NPLOC4: variants seen among roughly 807,000 people sequenced by gnomAD.
NPLOC4 encodes nuclear protein localization protein 4 homolog.
NPLOC4 carries 18 observed loss-of-function variants against 80.6 expected under a neutral mutation model. The observed-to-expected ratio is 0.22, with a 90% CI of 0.15 to 0.33. The LOEUF is 0.33. Ranked by LOEUF, NPLOC4 falls within the 10% of genes least tolerant of loss-of-function variation. The probability of loss-of-function intolerance (pLI) is 1.00; values close to 1 mark genes in which losing one functional copy is unlikely to be tolerated. For synonymous variants in NPLOC4, 313 were observed against 301.5 expected (o/e 1.04, Z -0.39); for missense variants, 540 against 786.1 (o/e 0.69, Z 3.74).
Position 81,589,066 on chromosome 17 carries a change from C to G in NPLOC4, c.1159G>C (p.Val387Leu). ...DNQVHFEGYQVSNQCMALVRD... is the reference protein window; with the variant it reads ...DNQVHFEGYQLSNQCMALVRD... Reference sequence around the variant, plus strand: ...ACCAGTGCCATACACTGATTGGACACCTGGTACCCTTCAAAGTGGACTTGG... The same window carrying G: ...ACCAGTGCCATACACTGATTGGACAGCTGGTACCCTTCAAAGTGGACTTGG... Residue 387 changes from valine to leucine, a missense_variant, in exon 12 of 17, where the codon GTG (valine) becomes CTG (leucine). Transcript: ENST00000331134. 1 of 1,613,688 alleles carries G rather than the reference C, an allele frequency of 6.2e-7. No individual in the cohort carries two copies. Among genetic ancestry groups the G allele is most frequent in the Non-Finnish European group, 8.5e-7 (1 of 1,179,770 alleles).
chr17:81,576,723 A>G (rs897577312), intron 12 of NPLOC4, among the ~76,000 whole-genome samples: 3 of 152,244 alleles, frequency 2.0e-5, no homozygotes, highest in African/African-American at 4.8e-5. Context: ...ATGATGAATC[A>G]CTTTACAAAT....
rs2034342579 is a variant in NPLOC4, at chr17:81,577,872, T to C, written c.1282-5784A>G. Among the ~76,000 whole-genome samples, 1 of 152,192 alleles carries C rather than the reference T, an allele frequency of 6.6e-6. No individual in the cohort carries two copies. Among genetic ancestry groups the C allele is most frequent in the African/African-American group, 2.4e-5 (1 of 41,444 alleles). Reference sequence around the variant, plus strand: ...TCCCCAAGGCCACAGGGAACTGACATGTGGCCTGGATTGCCAACACCACCA... The same window carrying C: ...TCCCCAAGGCCACAGGGAACTGACACGTGGCCTGGATTGCCAACACCACCA... On this transcript the variant is annotated intron_variant, in intron 12 of 16. Coordinates refer to ENST00000331134, the MANE Select transcript of NPLOC4 (RefSeq NM_017921.4). This position sits in a 1 kb window ranked among gnomAD's most constrained non-coding sequence, Gnocchi z 4.3.
chr17:81,618,177 T>C (rs1369874889), intron 3 of NPLOC4, among the ~76,000 whole-genome samples: 46 of 143,214 alleles, frequency 3.2e-4, no homozygotes, highest in African/African-American at 1.1e-3. Flanking sequence ...GTGAGGAGCG[T>C]CTCTGCCCGG....
intron 8 of NPLOC4, among the ~76,000 whole-genome samples, chr17:81,602,669 T>A (rs1024266200): frequency 1.3e-5 from 2 of 149,026 alleles, no homozygotes; most frequent in Non-Finnish European, 3.0e-5. Flanking sequence ...GCCACTGCAC[T>A]CCAGCCTGGG....
intron 15 of NPLOC4, among the ~76,000 whole-genome samples, chr17:81,565,827 C>T (rs770642872): frequency 3.9e-5 from 6 of 152,214 alleles, no homozygotes; most frequent in East Asian, 1.9e-4. Flanking sequence ...TAGGCCCAAG[C>T]GGGCATCTGT....
At chr17:81,620,805 C>A (rs2035643282) in intron 3 of NPLOC4, among the ~76,000 whole-genome samples, 1 of 152,120 alleles carries the variant, frequency 6.6e-6, no homozygotes, top group African/African-American at 2.4e-5. Context: ...CACAGTCATT[C>A]TCTTTACCTT....
At chr17:81,619,372 G>A (rs747849552) in intron 3 of NPLOC4, among the ~76,000 whole-genome samples, 5 of 150,592 alleles carry the variant, frequency 3.3e-5, no homozygotes, top group South Asian at 2.1e-4. Context: ...GTGAGACTCC[G>A]TCTCAAAAAA....
intron 1 of NPLOC4, among the ~76,000 whole-genome samples, chr17:81,631,450 T>A (rs868060305): frequency 0.31 from 32,778 of 105,464 alleles, 5,019 homozygotes; most frequent in African/African-American, 0.4. Flanking sequence ...TTTTTTTTTT[T>A]TTTTTTTTTT....
At chr17:81,622,083 G>A in intron 3 of NPLOC4, 83 bp downstream of exon 3, 2 of 902,560 alleles carry the variant, frequency 2.2e-6, no homozygotes, top group East Asian at 4.8e-5. Context: ...GATGAGGAAA[G>A]AGGATAAAAC....
At chr17:81,569,895 G>A (rs1048424450) in intron 13 of NPLOC4, among the ~76,000 whole-genome samples, 2 of 152,308 alleles carry the variant, frequency 1.3e-5, no homozygotes. Context: ...CTTCGTGACA[G>A]ACACCCCTCC....
At chr17:81,578,236 C>T (rs749960187) in intron 12 of NPLOC4, among the ~76,000 whole-genome samples, 5 of 152,208 alleles carry the variant, frequency 3.3e-5, no homozygotes, top group African/African-American at 7.2e-5. Flanking sequence ...CTGGCCCCGC[C>T]GGGTGCATGC....
intron 11 of NPLOC4, among the ~76,000 whole-genome samples, chr17:81,592,494 A>T (rs1001997933): frequency 2.0e-5 from 3 of 152,122 alleles, no homozygotes; most frequent in African/African-American, 7.2e-5. Flanking sequence ...AAATTAGGTT[A>T]TTTATTATCT....
intron 15 of NPLOC4, chr17:81,566,717 G>C (rs2144035053): frequency 6.6e-6 from 1 of 152,458 alleles, no homozygotes; most frequent in East Asian, 1.9e-4. Context: ...GTCTCCTTCA[G>C]GGAAAAGTTC....
At chr17:81,621,333 T>A (rs2144294187) in intron 3 of NPLOC4, among the ~76,000 whole-genome samples, 1 of 152,274 alleles carries the variant, frequency 6.6e-6, no homozygotes. Context: ...TCCCTAGACA[T>A]AGTAATTTGT....
At chr17:81,627,389 C>CA (rs532509354) in intron 2 of NPLOC4, among the ~76,000 whole-genome samples, 19,673 of 124,164 alleles carry the variant, frequency 0.16, 1,480 homozygotes, top group Middle Eastern at 0.29. Flanking sequence ...GACTCCGTCT[C>CA]AAAAAAAAAA....
chr17:81,623,496 T>C (rs1333806001), intron 2 of NPLOC4, among the ~76,000 whole-genome samples: 2 of 127,068 alleles, frequency 1.6e-5, no homozygotes, highest in African/African-American at 5.9e-5. Context: ...CAAAACTCTG[T>C]CTCAAAAAAA....
intron 7 of NPLOC4, among the ~76,000 whole-genome samples, chr17:81,605,150 G>A (rs567915622): frequency 1.7e-4 from 26 of 150,686 alleles, no homozygotes; most frequent in Admixed American, 4.6e-4. Context: ...GCGTGGTGGC[G>A]GGCGCCTGTA....
intron 16 of NPLOC4, 194 bp downstream of exon 16, chr17:81,565,311 T>A: frequency 2.8e-6 from 2 of 703,546 alleles, no homozygotes; most frequent in Non-Finnish European, 5.2e-6. Flanking sequence ...GGACAACATG[T>A]CTGCTCCATC....
chr17:81,618,074 G>A (rs192675445), intron 3 of NPLOC4, among the ~76,000 whole-genome samples: 14,433 of 152,150 alleles, frequency 0.095, 748 homozygotes, highest in Middle Eastern at 0.17. Flanking sequence ...CTGCCCGGCC[G>A]CCACCCCGTC....
Sources: allele counts gnomAD v4.1 joint callset (sites outside exome capture counted in the v4.1 genomes callset), GRCh38; gene constraint gnomAD v4.1.1; non-coding constraint Gnocchi (gnomAD v3.1); transcripts MANE v1.5; gene names NCBI Gene and HGNC (gene_info 2026-07-23, HGNC 2026-07-21).